The following SMYD3 variants were observed in gnomAD, a reference collection of about 807,000 sequenced individuals.
The protein encoded by SMYD3 is histone-lysine N-methyltransferase SMYD3.
SMYD3 carries 36 observed loss-of-function variants against 57.7 expected under a neutral mutation model. The ratio of observed to expected loss-of-function variants is 0.62; its 90% CI spans 0.48 to 0.82. SMYD3 has a LOEUF of 0.82. Among genes scored for constraint, SMYD3 ranks in the 40% least tolerant of loss-of-function variants. The pLI is 0.00. For missense variants in SMYD3, 515 were observed against 538.8 expected, an observed-to-expected ratio of 0.96 and a Z score of 0.44; for synonymous variants, 211 against 195.0, an observed-to-expected ratio of 1.08 and a Z score of -0.68.
rs554305266 is a variant in SMYD3, at chr1:245,817,325, C to T, written c.1076+41171G>A. 6.3e-4 allele frequency among the ~76,000 whole-genome samples: 92 copies of T among 145,112 alleles called. 3 individuals carry two copies. Among genetic ancestry groups the T allele is most frequent in the African/African-American group, 2.3e-3 (88 of 38,346 alleles). ...ATGGCAGGGTATTCCAACAGCCCTGCAGCTGAGGGTCCTGCCTGTTAGAAG... is the reference window on the plus strand; with the variant it reads ...ATGGCAGGGTATTCCAACAGCCCTGTAGCTGAGGGTCCTGCCTGTTAGAAG... On this transcript the variant is annotated intron_variant, in intron 10 of 11. Transcript: ENST00000490107.
chr1:246,297,883 G>T (rs1485330632), intron 5 of SMYD3, among the ~76,000 whole-genome samples: 1 of 151,982 alleles, frequency 6.6e-6, no homozygotes, highest in African/African-American at 2.4e-5. Context: ...TATTTTAGAG[G>T]TAGACAGCTT....
intron 5 of SMYD3, among the ~76,000 whole-genome samples, chr1:246,126,441 C>A (rs2061510852): frequency 6.6e-6 from 1 of 152,182 alleles, no homozygotes; most frequent in African/African-American, 2.4e-5. Context: ...GTGTTTCTTG[C>A]ACTGTTTAGT....
intron 5 of SMYD3, among the ~76,000 whole-genome samples, chr1:246,124,771 T>C (rs988477890): frequency 1.3e-5 from 2 of 152,082 alleles, no homozygotes; most frequent in Admixed American, 6.5e-5. Context: ...CTGATGATCA[T>C]ACACAGAGGC....
At chr1:245,829,346 G>A (rs2049701195) in intron 10 of SMYD3, among the ~76,000 whole-genome samples, 1 of 152,076 alleles carries the variant, frequency 6.6e-6, no homozygotes, top group South Asian at 2.1e-4. Context: ...AACACAGCAG[G>A]GGGAGTTTCC....
At chr1:246,222,910 A>G (rs943851339) in intron 5 of SMYD3, among the ~76,000 whole-genome samples, 24 of 152,188 alleles carry the variant, frequency 1.6e-4, no homozygotes, top group African/African-American at 5.3e-4. Flanking sequence ...CTAATATTGT[A>G]ATTTCACATC....
chr1:246,011,879 G>A (rs544802964), intron 5 of SMYD3, among the ~76,000 whole-genome samples: 1 of 152,224 alleles, frequency 6.6e-6, no homozygotes, highest in South Asian at 2.1e-4. Flanking sequence ...CACTGCAGAA[G>A]AACTAAGTTT....
At chr1:245,977,188 A>G (rs551620768) in intron 5 of SMYD3, among the ~76,000 whole-genome samples, 38 of 152,350 alleles carry the variant, frequency 2.5e-4, no homozygotes, top group African/African-American at 8.4e-4. Context: ...TGAAGGATTC[A>G]GTCACACCCA....
At chr1:245,797,867 C>A (rs2047616230) in intron 10 of SMYD3, among the ~76,000 whole-genome samples, 1 of 145,048 alleles carries the variant, frequency 6.9e-6, no homozygotes. Flanking sequence ...AAGACACCAG[C>A]GAGGCTCATT....
intron 5 of SMYD3, among the ~76,000 whole-genome samples, chr1:246,309,321 G>T (rs1325987530): frequency 6.6e-6 from 1 of 152,066 alleles, no homozygotes; most frequent in Non-Finnish European, 1.5e-5. Flanking sequence ...ATGCAGACAA[G>T]AAAATAAAAG....
intron 2 of SMYD3, among the ~76,000 whole-genome samples, chr1:246,348,431 TATA>T (rs1354095119): frequency 1.3e-5 from 2 of 151,780 alleles, no homozygotes; most frequent in African/African-American, 4.8e-5. Context: ...AAAAAATATA[TATA>T]TATATGTCTT....
chr1:246,343,280 T>C (rs1372002967), intron 2 of SMYD3, among the ~76,000 whole-genome samples: 1 of 152,244 alleles, frequency 6.6e-6, no homozygotes, highest in Non-Finnish European at 1.5e-5. Flanking sequence ...CCTAGATTAA[T>C]CAAAATATCA....
chr1:245,844,412 G>A (rs1022043209), intron 10 of SMYD3, among the ~76,000 whole-genome samples: 1 of 151,872 alleles, frequency 6.6e-6, no homozygotes, highest in Non-Finnish European at 1.5e-5. Flanking sequence ...CCAGATATAT[G>A]TTATGATTTT....
chr1:245,847,391 A>G (rs892752630), intron 10 of SMYD3, among the ~76,000 whole-genome samples: 5 of 152,248 alleles, frequency 3.3e-5, no homozygotes, highest in Non-Finnish European at 7.3e-5. Context: ...TGAAAACTCT[A>G]TATGAACTTC....
chr1:245,940,008 CAT>C (rs1290864487), intron 5 of SMYD3, among the ~76,000 whole-genome samples: 1 of 152,200 alleles, frequency 6.6e-6, no homozygotes, highest in Non-Finnish European at 1.5e-5. Context: ...CACAGTGCAG[CAT>C]AGCGGCTATG....
chr1:246,227,791 T>G (rs542103923), intron 5 of SMYD3, among the ~76,000 whole-genome samples: 1 of 152,222 alleles, frequency 6.6e-6, no homozygotes, highest in South Asian at 2.1e-4. Flanking sequence ...TCTACCTTTA[T>G]GCATAAAATG....
chr1:245,986,864 T>C (rs2058715903), intron 5 of SMYD3, among the ~76,000 whole-genome samples: 1 of 152,190 alleles, frequency 6.6e-6, no homozygotes, highest in Admixed American at 6.5e-5. Context: ...AGAAAACTGG[T>C]ATAGGTGGAT....
intron 11 of SMYD3, among the ~76,000 whole-genome samples, chr1:245,762,981 G>C (rs935871544): frequency 6.6e-6 from 1 of 152,156 alleles, no homozygotes; most frequent in Non-Finnish European, 1.5e-5. Context: ...GAGCATGTGA[G>C]CTCTCCTTTG....
chr1:246,482,377 T>C (rs1021817548), intron 1 of SMYD3, among the ~76,000 whole-genome samples: 21 of 152,334 alleles, frequency 1.4e-4, no homozygotes, highest in African/African-American at 5.1e-4. Flanking sequence ...CTTACCCCCA[T>C]ATAAATTGAT....
chr1:246,116,119 G>A (rs1252451432), intron 5 of SMYD3, among the ~76,000 whole-genome samples: 1 of 151,400 alleles, frequency 6.6e-6, no homozygotes. Context: ...CAGCCTGGGC[G>A]ACAAGGGCGA....
Sources: allele counts gnomAD v4.1 joint callset (sites outside exome capture counted in the v4.1 genomes callset), GRCh38; gene constraint gnomAD v4.1.1; transcripts MANE v1.5; gene names NCBI Gene and HGNC (gene_info 2026-07-23, HGNC 2026-07-21).